TAL1: variants seen among roughly 807,000 people sequenced by gnomAD.
TAL1 encodes T-cell acute lymphocytic leukemia protein 1.
Under a neutral mutation model 17.9 loss-of-function variants are expected in TAL1, and 8 were observed. The ratio of observed to expected loss-of-function variants is 0.45; its 90% CI spans 0.26 to 0.81. The LOEUF (loss-of-function observed/expected upper bound fraction) is 0.81. Ranked by LOEUF, TAL1 falls within the 30% of genes least tolerant of loss-of-function variation. The probability of loss-of-function intolerance (pLI) is 0.17; values close to 1 mark genes in which losing one functional copy is unlikely to be tolerated. For missense variants in TAL1, 466 were observed against 486.9 expected (o/e 0.96, Z 0.40); for synonymous variants, 223 against 218.6 (o/e 1.02, Z -0.18).
chr1:47,220,063 G>A (rs1225181947), exon 4 of TAL1: 1 of 1,613,966 alleles, frequency 6.2e-7, no homozygotes, highest in East Asian at 2.2e-5. Context: ...CTTGTCCGGG[G>A]GATGTGTGGG....
chr1:47,229,394 G>A (rs1479578265), exon 1 of TAL1: 2 of 183,798 alleles, frequency 1.1e-5, no homozygotes, highest in Non-Finnish European at 2.3e-5. Context: ...TAGGGGTGGA[G>A]AGAAAGAGGC....
chr1:47,217,182 C>G (rs981455819), exon 4 of TAL1: 3 of 250,234 alleles, frequency 1.2e-5, no homozygotes, highest in Admixed American at 5.5e-5. Flanking sequence ...GACTTCAAGA[C>G]CAGCCTGGGC....
chr1:47,219,853 T>C lies in TAL1; in HGVS notation c.863A>G (p.Asn288Ser), dbSNP rs140161351. The C allele has an allele frequency of 6.3e-5, 100 of 1,598,114 alleles. No homozygotes were observed. The highest frequency in any genetic ancestry group is 1.1e-4 in the South Asian group (10 of 89,692). Residue 288 changes from asparagine (N) to serine (S), a missense_variant, in exon 4 of 4, where the codon AAC becomes AGC. Physicochemically the swap from Asn to Ser is conservative, Grantham distance 46 (BLOSUM62 1). Transcript: ENST00000294339. ...ATCCAGGGAGCTGCCGCAGCTGGAG[T>C]TGGGGGAAAGCACGTCTTGCAGGAG...
exon 1 of TAL1, chr1:47,229,384 T>C (rs1055645530): frequency 2.2e-5 from 4 of 183,534 alleles, no homozygotes; most frequent in East Asian, 8.8e-5. Context: ...CCAGGAAAGA[T>C]AGGGGTGGAG....
At chr1:47,225,460 C>T in exon 2 of TAL1, 1 of 1,231,926 alleles carries the variant, frequency 8.1e-7, no homozygotes, top group Non-Finnish European at 1.0e-6. Context: ...GAGAGGCCAG[C>T]GGCTGGCTGA....
chr1:47,228,102 G>C (rs777823911), intron 1 of TAL1: 1 of 155,296 alleles, frequency 6.4e-6, no homozygotes, highest in Non-Finnish European at 1.4e-5. Flanking sequence ...ATTGACCCTG[G>C]CCACAAATGT....
At chr1:47,224,680 C>A (rs906662078) in intron 2 of TAL1, among the ~76,000 whole-genome samples, 1 of 152,180 alleles carries the variant, frequency 6.6e-6, no homozygotes. Context: ...AGCTCTCTGC[C>A]CTCACCCACC....
intron 3 of TAL1, among the ~76,000 whole-genome samples, chr1:47,221,691 C>T (rs1195119856): frequency 1.3e-5 from 2 of 152,142 alleles, no homozygotes; most frequent in Non-Finnish European, 2.9e-5. Context: ...GTGTGAAAAC[C>T]GAGGTAGAGG....
chr1:47,225,826 C>G, exon 2 of TAL1: 1 of 1,581,944 alleles, frequency 6.3e-7, no homozygotes, highest in Non-Finnish European at 8.5e-7. Context: ...TGGCCTCGGC[C>G]GCGTCCCGTC....
chr1:47,223,925 T>C (rs1643870441), intron 3 of TAL1, 79 bp downstream of exon 4: 16 of 1,343,448 alleles, frequency 1.2e-5, no homozygotes, highest in Middle Eastern at 1.8e-4. Context: ...ACCTACGGAG[T>C]AGTCCCAGAT....
At chr1:47,225,618 T>C in exon 2 of TAL1, 1 of 1,381,752 alleles carries the variant, frequency 7.2e-7, no homozygotes, top group Non-Finnish European at 9.3e-7. Context: ...CACAGCTCGG[T>C]GGTGGGCACC....
chr1:47,216,603 G>T (rs755654111), exon 4 of TAL1: 1 of 231,790 alleles, frequency 4.3e-6, no homozygotes, highest in African/African-American at 2.2e-5. Context: ...TCACAAGTAC[G>T]GCCAGACCCA....
At chr1:47,230,468 CAA>C (rs1180965983), upstream of TAL1, 1 of 152,046 alleles carries the variant, frequency 6.6e-6, no homozygotes, top group Non-Finnish European at 1.5e-5. Context: ...TCTTCTAATC[CAA>C]AAGAGGGGAG....
At chr1:47,225,445 G>T in exon 2 of TAL1, 1 of 1,231,206 alleles carries the variant, frequency 8.1e-7, no homozygotes, top group Non-Finnish European at 1.0e-6. Context: ...CCCCTGACCT[G>T]CCGAGAGAGG....
chr1:47,217,147 A>C, exon 4 of TAL1: 1 of 240,052 alleles, frequency 4.2e-6, no homozygotes, highest in Non-Finnish European at 8.1e-6. Flanking sequence ...CTGGAGGCAA[A>C]GGCAGGAGAA....
chr1:47,220,193 A>G lies in TAL1; in HGVS notation c.542-19T>C. The G allele has an allele frequency of 2.0e-6, 3 of 1,505,784 alleles. No individual in the cohort carries two copies. The highest frequency in any genetic ancestry group is 2.7e-6 in the Non-Finnish European group (3 of 1,122,212). 93.3% of individuals were successfully genotyped at this position (1,505,784 alleles called of 1,614,324 possible). A position where few individuals can be genotyped will look rare whatever the true frequency, so the allele number is the denominator to read the frequency against. ...TGGGGACCTGGAGATTAGGAGGACA[A>G]GAGTTAGGAGAATGGGCTTGAGATT... is the stretch of plus-strand genomic sequence containing the variant. On this transcript the variant is annotated intron_variant, in intron 3 of 3. Coordinates refer to ENST00000294339, the Ensembl canonical transcript of TAL1.
chr1:47,216,661 C>T (rs945520599), exon 4 of TAL1: 2 of 231,622 alleles, frequency 8.6e-6, no homozygotes, highest in African/African-American at 4.4e-5. Flanking sequence ...ATGCTGTGCC[C>T]TTTGTTTTAT....
chr1:47,217,748 T>C, exon 4 of TAL1: 1 of 398,550 alleles, frequency 2.5e-6, no homozygotes, highest in Non-Finnish European at 4.4e-6. Flanking sequence ...CATCCACCCA[T>C]CCATACTGTG....
intron 3 of TAL1, among the ~76,000 whole-genome samples, chr1:47,221,001 C>T (rs1476603011): frequency 6.6e-6 from 1 of 152,170 alleles, no homozygotes; most frequent in Admixed American, 6.5e-5. Context: ...GAAGAGTATC[C>T]AAGCCAAGGG....
Sources: allele counts gnomAD v4.1 joint callset (sites outside exome capture counted in the v4.1 genomes callset), GRCh38; gene constraint gnomAD v4.1.1; transcripts MANE v1.5; gene names NCBI Gene and HGNC (gene_info 2026-07-23, HGNC 2026-07-21).